Variants in ATIC observed in about 807,000 individuals in gnomAD.
The protein encoded by ATIC is 5-aminoimidazole-4-carboxamide ribonucleotide formyltransferase/IMP cyclohydrolase.
ATIC carries 64 observed loss-of-function variants against 72.5 expected under a neutral mutation model. The ratio of observed to expected loss-of-function variants is 0.88; its 90% CI spans 0.72 to 1.09. ATIC has a LOEUF of 1.09. ATIC is among the 50% of genes least tolerant of loss of function. The pLI, the probability that ATIC is intolerant of heterozygous loss-of-function variation, is 0.00. For synonymous variants in ATIC, 281 were observed against 267.1 expected, an observed-to-expected ratio of 1.05 and a Z score of -0.51; for missense variants, 787 against 732.4, an observed-to-expected ratio of 1.07 and a Z score of -0.86.
chr2:215,341,211 C>T (rs956023574), intron 12 of ATIC, among the ~76,000 whole-genome samples: 17 of 152,162 alleles, frequency 1.1e-4, no homozygotes, highest in Non-Finnish European at 1.3e-4. Flanking sequence ...AGTAAAGAAA[C>T]ATGTAGGCAT....
intron 10 of ATIC, 114 bp from the exon 11 acceptor site, chr2:215,335,921 G>A: frequency 1.2e-6 from 1 of 803,186 alleles, no homozygotes; most frequent in East Asian, 2.7e-5. Flanking sequence ...TTTGTTGGAG[G>A]CAGAAACCAG....
intron 12 of ATIC, among the ~76,000 whole-genome samples, chr2:215,341,246 C>G (rs927439220): frequency 6.6e-6 from 1 of 152,162 alleles, no homozygotes; most frequent in Admixed American, 6.6e-5. Context: ...TCTTTCAGCC[C>G]TTTGGAATCC....
chr2:215,366,899 A>G, the ATIC span, among the ~76,000 whole-genome samples: 8 of 152,252 alleles, frequency 5.3e-5, no homozygotes, highest in African/African-American at 1.4e-4. Context: ...GCTCCTAAAC[A>G]GCATGTGATG....
At position 215,312,089 on chromosome 2, in the gene ATIC, A is replaced by C; in HGVS notation, c.-54A>C. On this transcript the variant is annotated 5_prime_UTR_variant, in exon 1 of 16. Transcript: ENST00000236959. Reference sequence around the variant, plus strand: ...ATCCCGGCAGCCCTCCTACCTGCGCACGTGGTGCCGCCGCTGCTGCCTCCC... The same window carrying C: ...ATCCCGGCAGCCCTCCTACCTGCGCCCGTGGTGCCGCCGCTGCTGCCTCCC... The C allele has an allele frequency of 6.5e-7, 1 of 1,529,932 alleles. No individual in the cohort carries two copies. Among genetic ancestry groups the C allele is most frequent in the South Asian group, 1.2e-5 (1 of 83,210 alleles). The allele number at this position is 1,529,932 out of a possible 1,614,324, so 94.8% of individuals were successfully genotyped here.
intron 7 of ATIC, among the ~76,000 whole-genome samples, chr2:215,331,203 A>G (rs529724367): frequency 6.6e-6 from 1 of 152,104 alleles, no homozygotes; most frequent in Non-Finnish European, 1.5e-5. Flanking sequence ...AGTAAGCTCC[A>G]TAAGGACAGT....
At chr2:215,312,768 G>GA in intron 2 of ATIC, 144 bp downstream of exon 2, 7 of 1,324,884 alleles carry the variant, frequency 5.3e-6, no homozygotes, top group South Asian at 1.3e-5. Flanking sequence ...ACTTTATGGG[G>GA]AAAAAAAGTG....
At chr2:215,313,481 G>C (rs2052677069) in intron 2 of ATIC, among the ~76,000 whole-genome samples, 1 of 152,116 alleles carries the variant, frequency 6.6e-6, no homozygotes. Context: ...AGGAGAGGGA[G>C]GAAGTCTACT....
intron 7 of ATIC, among the ~76,000 whole-genome samples, chr2:215,330,310 T>C (rs528347402): frequency 6.6e-6 from 1 of 152,318 alleles, no homozygotes; most frequent in South Asian, 2.1e-4. Context: ...TTTGACTTGA[T>C]TTTTGGTTGG....
At chr2:215,322,197 C>T (rs1165305813) in intron 4 of ATIC, among the ~76,000 whole-genome samples, 1 of 152,076 alleles carries the variant, frequency 6.6e-6, no homozygotes, top group African/African-American at 2.4e-5. Flanking sequence ...GCCACCATGC[C>T]CGGCCCACAA....
At chr2:215,334,889 A>G in intron 9 of ATIC, 30 bp from the exon 10 acceptor site, 1 of 1,564,934 alleles carries the variant, frequency 6.4e-7, no homozygotes, top group Admixed American at 1.7e-5. Flanking sequence ...ATACTTTGTG[A>G]TAAATACCTC....
intron 7 of ATIC, among the ~76,000 whole-genome samples, chr2:215,331,517 G>C (rs1275095438): frequency 1.3e-5 from 2 of 151,676 alleles, no homozygotes; most frequent in African/African-American, 2.4e-5. Flanking sequence ...CTAGTAGCTG[G>C]GATTACATGC....
At chr2:215,358,575 G>T in the ATIC span, among the ~76,000 whole-genome samples, 1 of 151,772 alleles carries the variant, frequency 6.6e-6, no homozygotes, top group Non-Finnish European at 1.5e-5. Context: ...CATACAATGG[G>T]GTTTCCCCAA....
chr2:215,353,506 G>T (rs1038944079), downstream of ATIC, among the ~76,000 whole-genome samples: 1 of 152,158 alleles, frequency 6.6e-6, no homozygotes, highest in Admixed American at 6.5e-5. Flanking sequence ...ACTGTGTGCA[G>T]TGTCTGTGTG....
chr2:215,354,892 G>A, the ATIC span, among the ~76,000 whole-genome samples: 3 of 151,798 alleles, frequency 2.0e-5, no homozygotes, highest in Admixed American at 6.6e-5. Flanking sequence ...GCTTGAGACA[G>A]CCCAGCTGAT....
At chr2:215,364,813 C>T in the ATIC span, 1 of 1,067,066 alleles carries the variant, frequency 9.4e-7, no homozygotes, top group Middle Eastern at 2.4e-4. Context: ...GTGTACGACA[C>T]ATCCTTGCAG....
intron 6 of ATIC, among the ~76,000 whole-genome samples, chr2:215,326,351 T>C (rs868340368): frequency 6.6e-6 from 1 of 152,136 alleles, no homozygotes; most frequent in African/African-American, 2.4e-5. Context: ...ACGCCTGTAA[T>C]CCTAGCACTT....
At chr2:215,316,944 TA>T in intron 2 of ATIC, among the ~76,000 whole-genome samples, 1 of 152,264 alleles carries the variant, frequency 6.6e-6, no homozygotes, top group Non-Finnish European at 1.5e-5. Flanking sequence ...GTATTTTTAG[TA>T]GAGGCGGGGT....
the ATIC span, among the ~76,000 whole-genome samples, chr2:215,366,044 G>A: frequency 7.0e-6 from 1 of 142,314 alleles, no homozygotes; most frequent in Non-Finnish European, 1.5e-5. Flanking sequence ...TCTCAAACTC[G>A]TGAGCTCAGG....
downstream of ATIC, among the ~76,000 whole-genome samples, chr2:215,351,746 T>G (rs1346406867): frequency 6.6e-6 from 1 of 152,212 alleles, no homozygotes; most frequent in Non-Finnish European, 1.5e-5. Flanking sequence ...TCCCAGTCCT[T>G]AAGTGTGGCC....
Sources: gnomAD v4.1 joint callset for allele counts (sites outside exome capture counted in the v4.1 genomes callset) on GRCh38, gnomAD v4.1.1 for gene constraint, MANE v1.5 for transcripts, NCBI Gene and HGNC (gene_info 2026-07-23, HGNC 2026-07-21) for gene names.